PACRG: variants seen among roughly 807,000 people sequenced by gnomAD.
PACRG encodes the protein parkin coregulated, also known as parkin coregulated gene protein.
In PACRG, 29 loss-of-function variants were observed where a neutral mutation model predicts 29.7. That is an observed-to-expected ratio of 0.98 (90% confidence interval 0.73 to 1.33). The LOEUF (loss-of-function observed/expected upper bound fraction) is 1.33, where lower values mean the gene tolerates loss of function less well. PACRG is among the 40% of genes most tolerant of loss of function. PACRG has a pLI of 0.00. For missense variants in PACRG, 279 were observed against 316.2 expected (o/e 0.88, Z 0.89); for synonymous variants, 116 against 118.7 (o/e 0.98, Z 0.15).
intron 2 of PACRG, among the ~76,000 whole-genome samples, chr6:162,841,710 C>T (rs1396453785): frequency 2.0e-5 from 3 of 149,172 alleles, no homozygotes; most frequent in Non-Finnish European, 4.5e-5. Context: ...TTGGATCTTT[C>T]CTGCTTTCTC....
chr6:163,006,401 T>A (rs1054932019), intron 2 of PACRG, among the ~76,000 whole-genome samples: 2 of 151,448 alleles, frequency 1.3e-5, no homozygotes, highest in Non-Finnish European at 1.5e-5. Flanking sequence ...TACTGTGGGT[T>A]ATAGTGTTCT....
intron 2 of PACRG, among the ~76,000 whole-genome samples, chr6:162,903,707 C>G (rs1481585267): frequency 1.3e-5 from 2 of 152,136 alleles, no homozygotes; most frequent in Non-Finnish European, 2.9e-5. Context: ...GGAGACACAG[C>G]CAAACCGTAT....
At chr6:162,728,537 G>T in intron 1 of PACRG, 146 bp downstream of exon 1, 1 of 914,664 alleles carries the variant, frequency 1.1e-6, no homozygotes, top group Non-Finnish European at 1.6e-6. Flanking sequence ...GTAGCAAACG[G>T]TGCCCCACAG....
At chr6:162,819,571 C>G (rs1039593871) in intron 2 of PACRG, among the ~76,000 whole-genome samples, 7 of 152,128 alleles carry the variant, frequency 4.6e-5, no homozygotes, top group African/African-American at 1.4e-4. Context: ...ACAGGCATAT[C>G]CTGAAATCCT....
At position 163,227,707 on chromosome 6, in the gene PACRG, AC is replaced by A. The variant is rs763160331; in HGVS notation, c.614-87117del. ...AGGTCCAGCAAACATTCACCCTTAC[AC>A]CCAGACCCTCATACACGTTTGCAAG... On this transcript the variant is annotated intron_variant, in intron 4 of 4. Coordinates refer to ENST00000366888, the MANE Select transcript of PACRG (RefSeq NM_001080379.2). 3.3e-5 allele frequency among the ~76,000 whole-genome samples: 5 copies of A among 152,090 alleles called. No individual in the cohort carries two copies. In the South Asian group the frequency reaches 6.2e-4, roughly 19 times the overall value.
intron 2 of PACRG, among the ~76,000 whole-genome samples, chr6:162,816,969 T>C (rs1483347143): frequency 6.6e-6 from 1 of 152,176 alleles, no homozygotes; most frequent in African/African-American, 2.4e-5. Context: ...GGAGCAGTGC[T>C]TCCCTCCGAG....
rs1405203766 is a variant in PACRG, at chr6:162,922,493, C to A, written c.291+108212C>A. Among the ~76,000 whole-genome samples, 3 of 151,924 alleles carry A rather than the reference C, an allele frequency of 2.0e-5. No individual in the cohort carries two copies. In the East Asian group the frequency reaches 5.8e-4, roughly 29 times the overall value. ...AATAAATTATTGTGAATTCACCCTG[C>A]AGTGCAGTGGAACATATTCCTCCTA... is the stretch of plus-strand genomic sequence containing the variant. On this transcript the variant is annotated intron_variant, in intron 2 of 4. Coordinates refer to ENST00000366888, the MANE Select transcript of PACRG (RefSeq NM_001080379.2).
At chr6:163,082,537 A>T (rs1813181057) in intron 3 of PACRG, among the ~76,000 whole-genome samples, 1 of 152,208 alleles carries the variant, frequency 6.6e-6, no homozygotes, top group South Asian at 2.1e-4. Context: ...TATATTGATA[A>T]TTTTTTAGAA....
chr6:162,960,278 A>T (rs1034521679), intron 2 of PACRG, among the ~76,000 whole-genome samples: 1 of 152,236 alleles, frequency 6.6e-6, no homozygotes, highest in Non-Finnish European at 1.5e-5. Context: ...AGGAAAATAG[A>T]TTATTATAAC....
chr6:162,812,627 T>C (rs1786978672), intron 1 of PACRG, among the ~76,000 whole-genome samples: 1 of 152,080 alleles, frequency 6.6e-6, no homozygotes, highest in South Asian at 2.1e-4. Flanking sequence ...CCAAAAAATG[T>C]GATTCAAGAT....
intron 2 of PACRG, among the ~76,000 whole-genome samples, chr6:162,875,613 A>G (rs61617266): frequency 1.7e-3 from 262 of 152,358 alleles, no homozygotes; most frequent in African/African-American, 6.0e-3. Flanking sequence ...TTTGTTTCAC[A>G]TAGGTTGTAC....
intron 4 of PACRG, among the ~76,000 whole-genome samples, chr6:163,292,963 C>T (rs1240448315): frequency 6.6e-6 from 1 of 152,038 alleles, no homozygotes; most frequent in African/African-American, 2.4e-5. Flanking sequence ...GGATTTTTTT[C>T]AAAGATAGAA....
chr6:163,239,850 ACTCT>A (rs976232221), intron 4 of PACRG, among the ~76,000 whole-genome samples: 39 of 131,730 alleles, frequency 3.0e-4, no homozygotes, highest in African/African-American at 1.1e-3. Flanking sequence ...ATACACACAC[ACTCT>A]CACACTCCCA....
intron 1 of PACRG, among the ~76,000 whole-genome samples, chr6:162,748,146 G>T (rs1781228548): frequency 6.6e-6 from 1 of 152,038 alleles, no homozygotes; most frequent in Non-Finnish European, 1.5e-5. Flanking sequence ...AAAGAAAGTG[G>T]GTTGGAGTGA....
rs767222690 is a variant in PACRG at position 163,269,867 on chromosome 6, G to GAGAAAGAAAGAA, written c.614-44946_614-44935dup. On this transcript the variant is annotated intron_variant, in intron 4 of 4. Coordinates refer to ENST00000366888, the MANE Select transcript of PACRG (RefSeq NM_001080379.2). ...AAAGAAAGAAAGAAAGAGAAAGAAA[G>GAGAAAGAAAGAA]AGAAAGAAAGAAAGAAAGAAAGAAA... 8.8e-5 allele frequency among the ~76,000 whole-genome samples: 5 copies of GAGAAAGAAAGAA among 56,738 alleles called. 1 individual carries two copies. Among genetic ancestry groups the GAGAAAGAAAGAA allele is most frequent in the Admixed American group, 5.7e-4 (3 of 5,292 alleles). The allele number at this position is 56,738 out of a possible 152,430, so 37.2% of individuals were successfully genotyped here.
chr6:163,314,247 T>C (rs1208163260), intron 4 of PACRG, among the ~76,000 whole-genome samples: 2 of 152,180 alleles, frequency 1.3e-5, no homozygotes, highest in Admixed American at 1.3e-4. Context: ...TGAGTGATAG[T>C]TCGGGAGCAG....
chr6:162,987,567 C>T (rs1803012882), intron 2 of PACRG, among the ~76,000 whole-genome samples: 1 of 152,190 alleles, frequency 6.6e-6, no homozygotes, highest in Non-Finnish European at 1.5e-5. Context: ...TACATACACT[C>T]TCTTGCCTGC....
chr6:163,294,086 G>A (rs1438181007), intron 4 of PACRG, among the ~76,000 whole-genome samples: 1 of 152,042 alleles, frequency 6.6e-6, no homozygotes, highest in Admixed American at 6.6e-5. Context: ...GGAAACAGAA[G>A]ATATTTTAAT....
At chr6:163,201,557 C>A (rs73597520) in intron 4 of PACRG, among the ~76,000 whole-genome samples, 1 of 152,202 alleles carries the variant, frequency 6.6e-6, no homozygotes, top group Non-Finnish European at 1.5e-5. Flanking sequence ...AGCTCCCTAA[C>A]CCCTACTCAT....
Sources: gnomAD v4.1 joint callset for allele counts (sites outside exome capture counted in the v4.1 genomes callset) on GRCh38, gnomAD v4.1.1 for gene constraint, MANE v1.5 for transcripts, NCBI Gene and HGNC (gene_info 2026-07-23, HGNC 2026-07-21) for gene names.